Variants in MPPED1 observed in about 807,000 individuals in gnomAD.
MPPED1 encodes metallophosphoesterase domain-containing protein 1.
MPPED1 carries 16 observed loss-of-function variants against 36.2 expected under a neutral mutation model. That is an observed-to-expected ratio of 0.44 (90% CI 0.30 to 0.67). The LOEUF is 0.67. Among genes scored for constraint, MPPED1 ranks in the 30% least tolerant of loss-of-function variants. The probability of loss-of-function intolerance (pLI) is 0.10; values close to 1 mark genes in which losing one functional copy is unlikely to be tolerated. For missense variants in MPPED1, 307 were observed against 453.4 expected (o/e 0.68, Z 2.93); for synonymous variants, 199 against 191.3 (o/e 1.04, Z -0.33).
intron 4 of MPPED1, among the ~76,000 whole-genome samples, chr22:43,476,406 TGGCCTGA>T (rs1931579065): frequency 2.0e-5 from 3 of 152,062 alleles, no homozygotes; most frequent in Admixed American, 2.0e-4. Flanking sequence ...AGGAGTAACG[TGGCCTGA>T]GGCTGCACTA....
intron 3 of MPPED1, among the ~76,000 whole-genome samples, chr22:43,461,613 T>C (rs1251412408): frequency 6.6e-6 from 1 of 152,214 alleles, no homozygotes; most frequent in Non-Finnish European, 1.5e-5. Flanking sequence ...CAGAGTGTTA[T>C]GTTGCTTAAA....
At chr22:43,435,470 G>A (rs1601956644) in intron 3 of MPPED1, among the ~76,000 whole-genome samples, 1 of 151,382 alleles carries the variant, frequency 6.6e-6, no homozygotes, top group East Asian at 1.9e-4. Context: ...TTTTTGGCCT[G>A]GAAGACCCCC....
At chr22:43,461,828 G>A (rs546749623) in intron 3 of MPPED1, among the ~76,000 whole-genome samples, 2 of 152,338 alleles carry the variant, frequency 1.3e-5, no homozygotes, top group East Asian at 1.9e-4. Context: ...CTGATCAGTT[G>A]TGGAGTTCAT....
chr22:43,500,412 A>ATGGAGGTGGTAATGGAGGTGGTGG (rs1569092081), intron 5 of MPPED1, among the ~76,000 whole-genome samples: 5 of 86,750 alleles, frequency 5.8e-5, no homozygotes, highest in East Asian at 3.9e-4. Context: ...AGTGGTGGTG[A>ATGGAGGTGGTAATGGAGGTGGTGG]TGGAGGTGGT....
Position 43,412,086 on chromosome 22 carries a change from G to A in MPPED1, c.-151G>A, listed in dbSNP as rs962789944. On this transcript the variant is annotated 5_prime_UTR_variant, in exon 1 of 7. Transcript: ENST00000443721. ...CCCGCCCCTGCGCGCCTCCCTCCCG[G>A]GAGCCCCTGCCTCCCTCGGTGCGCG... is the stretch of plus-strand genomic sequence containing the variant. 3.4e-4 allele frequency: 330 copies of A among 979,662 alleles called. 2 individuals are homozygous for A. In the African/African-American group the frequency reaches 5.4e-3, roughly 16 times the overall value. The allele number at this position is 979,662 out of a possible 1,614,324, so 60.7% of individuals were successfully genotyped here.
chr22:43,477,679 C>T (rs1330789896), intron 4 of MPPED1, among the ~76,000 whole-genome samples: 1 of 152,164 alleles, frequency 6.6e-6, no homozygotes, highest in East Asian at 1.9e-4. Context: ...TCCCTGGCCT[C>T]GGCAGGTGCC....
chr22:43,487,488 T>G lies in MPPED1; in HGVS notation c.633-10747T>G, dbSNP rs886340120. Among the ~76,000 whole-genome samples the G allele has an allele frequency of 2.0e-5, 3 of 152,138 alleles. No individual in the cohort carries two copies. The South Asian group carries it at 6.2e-4, about 32-fold the overall frequency. On this transcript the variant is annotated intron_variant, in intron 4 of 6. Coordinates refer to ENST00000443721, the MANE Select transcript of MPPED1 (RefSeq NM_001044370.2). Reference sequence around the variant, plus strand: ...TGTGCCACGCCGAGGGCTGGGCTTGTCCTGGAAGCAGCAGGGAGCCATGGG... The same window carrying G: ...TGTGCCACGCCGAGGGCTGGGCTTGGCCTGGAAGCAGCAGGGAGCCATGGG...
chr22:43,488,195 C>T (rs1400942921), intron 4 of MPPED1, among the ~76,000 whole-genome samples: 1 of 152,106 alleles, frequency 6.6e-6, no homozygotes. Context: ...CCTACGCCGC[C>T]CTCAGCCTCA....
chr22:43,482,854 G>C (rs750698128), intron 4 of MPPED1, among the ~76,000 whole-genome samples: 3 of 152,174 alleles, frequency 2.0e-5, no homozygotes, highest in Non-Finnish European at 4.4e-5. Context: ...CCCTTTTTGC[G>C]CTTAGCAGGC....
chr22:43,504,468 A>T (rs539373296), intron 6 of MPPED1, among the ~76,000 whole-genome samples: 1 of 152,062 alleles, frequency 6.6e-6, no homozygotes, highest in Non-Finnish European at 1.5e-5. Context: ...ACCATTCTTG[A>T]TGATGGTGGT....
At chr22:43,499,686 ATGG>A (rs1424531058) in intron 5 of MPPED1, among the ~76,000 whole-genome samples, 1 of 51,766 alleles carries the variant, frequency 1.9e-5, no homozygotes, top group African/African-American at 7.5e-5. Flanking sequence ...GATGGTGGTG[ATGG>A]TGGTGGTGGA....
At chr22:43,477,473 C>T (rs995871308) in intron 4 of MPPED1, among the ~76,000 whole-genome samples, 1 of 152,206 alleles carries the variant, frequency 6.6e-6, no homozygotes, top group Admixed American at 6.5e-5. Flanking sequence ...CCGCTACCCT[C>T]CCCTGGGAGG....
At chr22:43,426,549 C>T (rs918518429) in intron 2 of MPPED1, among the ~76,000 whole-genome samples, 6 of 152,176 alleles carry the variant, frequency 3.9e-5, no homozygotes, top group Admixed American at 1.3e-4. Flanking sequence ...GCATCCCAGC[C>T]GCTGTCCCTC....
chr22:43,502,199 CTGTG>C lies in MPPED1; in HGVS notation c.749-443_749-440del, dbSNP rs1255328837. Among the ~76,000 whole-genome samples the C allele has an allele frequency of 6.6e-6, 1 of 152,130 alleles. No homozygotes were observed. The highest frequency in any genetic ancestry group is 1.5e-5 in the Non-Finnish European group (1 of 68,026). On this transcript the variant is annotated intron_variant, in intron 5 of 6. Coordinates refer to ENST00000443721, the MANE Select transcript of MPPED1 (RefSeq NM_001044370.2). This position sits in a 1 kb window ranked among gnomAD's most constrained non-coding sequence, Gnocchi z 5.5. Reference sequence around the variant, plus strand: ...CTGACATGGAAATCTCACTCCTGGGCTGTGTATCAGGACGCCCTGCTCTGCAACT... The same window carrying C: ...CTGACATGGAAATCTCACTCCTGGGCTATCAGGACGCCCTGCTCTGCAACT...
intron 4 of MPPED1, among the ~76,000 whole-genome samples, chr22:43,497,219 G>A (rs139649233): frequency 0.028 from 4,329 of 152,016 alleles, 140 homozygotes; most frequent in South Asian, 0.069. Flanking sequence ...GGCGGTGTTG[G>A]AGGTGGTGAT....
At chr22:43,430,512 G>T (rs1273920974) in intron 2 of MPPED1, among the ~76,000 whole-genome samples, 1 of 152,192 alleles carries the variant, frequency 6.6e-6, no homozygotes, top group Admixed American at 6.5e-5. Context: ...TGGCGTCGGA[G>T]GCCGTGTTCT....
chr22:43,497,076 T>C (rs1164458351), intron 4 of MPPED1, among the ~76,000 whole-genome samples: 4 of 148,026 alleles, frequency 2.7e-5, no homozygotes, highest in African/African-American at 1.0e-4. Flanking sequence ...GTGGAGGTGG[T>C]GGTGGAGGTA....
At chr22:43,447,883 A>ATAT (rs1321289636) in intron 3 of MPPED1, among the ~76,000 whole-genome samples, 5,660 of 67,818 alleles carry the variant, frequency 0.083, 446 homozygotes, top group East Asian at 0.2. Context: ...ATATATATAT[A>ATAT]TTTTTTTTTT....
intron 3 of MPPED1, among the ~76,000 whole-genome samples, chr22:43,462,309 C>T (rs1206068377): frequency 6.6e-6 from 1 of 152,232 alleles, no homozygotes; most frequent in Non-Finnish European, 1.5e-5. Flanking sequence ...CTGTAAGTCA[C>T]AGAGTGCTAC....
Sources: allele counts gnomAD v4.1 joint callset (sites outside exome capture counted in the v4.1 genomes callset), GRCh38; gene constraint gnomAD v4.1.1; non-coding constraint Gnocchi (gnomAD v3.1); transcripts MANE v1.5; gene names NCBI Gene and HGNC (gene_info 2026-07-23, HGNC 2026-07-21).